The following MMP26 variants were observed in gnomAD, a reference collection of about 807,000 sequenced individuals.
MMP26 encodes matrix metallopeptidase 26.
Under a neutral mutation model 31.0 loss-of-function variants are expected in MMP26, and 33 were observed. The observed-to-expected ratio is 1.06, with a 90% CI of 0.81 to 1.42. The LOEUF (loss-of-function observed/expected upper bound fraction) is 1.42, where lower values mean the gene tolerates loss of function less well. Ranked by LOEUF, MMP26 falls within the 40% of genes most tolerant of loss-of-function variation. The pLI is 0.00. For missense variants in MMP26, 347 were observed against 316.1 expected (o/e 1.10, Z -0.74); for synonymous variants, 122 against 114.9 (o/e 1.06, Z -0.40).
chr11:4,781,713 G>T (rs1848866710), intron 2 of MMP26, among the ~76,000 whole-genome samples: 1 of 149,582 alleles, frequency 6.7e-6, no homozygotes, highest in Non-Finnish European at 1.5e-5. Flanking sequence ...TTGTCTCTGT[G>T]TCCCCACCCA....
chr11:4,822,313 A>T, intron 2 of MMP26: 1 of 1,509,950 alleles, frequency 6.6e-7, no homozygotes, highest in Non-Finnish European at 8.9e-7. Context: ...CAGTGTAAAG[A>T]TTAAGCAGAT....
At chr11:4,907,314 C>T in intron 2 of MMP26, 1 of 1,223,248 alleles carries the variant, frequency 8.2e-7, no homozygotes, top group Non-Finnish European at 1.2e-6. Context: ...AAAAGCATGA[C>T]TGCTTTTCAT....
At chr11:4,868,470 T>G (rs1390087441) in intron 2 of MMP26, among the ~76,000 whole-genome samples, 1 of 152,160 alleles carries the variant, frequency 6.6e-6, no homozygotes, top group Admixed American at 6.5e-5. Flanking sequence ...CATTCACAAC[T>G]GCTTCAAAGA....
chr11:4,864,286 A>G (rs781304166), intron 2 of MMP26, among the ~76,000 whole-genome samples: 4 of 152,180 alleles, frequency 2.6e-5, no homozygotes, highest in Non-Finnish European at 5.9e-5. Context: ...TTTTGCATTA[A>G]TGAGGTAATT....
At position 4,798,125 on chromosome 11, in the gene MMP26, G is replaced by C. The variant is rs191385496; in HGVS notation, c.-145+30784G>C. Among the ~76,000 whole-genome samples, 3 of 152,260 alleles carry C rather than the reference G, an allele frequency of 2.0e-5. No homozygotes were observed. The East Asian group carries it at 5.8e-4, about 29-fold the overall frequency. ...GAGAATTTCAAATCTCTTTTACGAC[G>C]GCCCATACTTAAGATAGACATGTTG... On this transcript the variant is annotated intron_variant, in intron 2 of 7. Transcript: ENST00000380390.
chr11:4,954,636 A>G (rs189385366), intron 2 of MMP26: 1 of 570,772 alleles, frequency 1.8e-6, no homozygotes, highest in African/African-American at 1.9e-5. Context: ...CATTCTCAGT[A>G]TCTAGAGTGA....
intron 2 of MMP26, among the ~76,000 whole-genome samples, chr11:4,931,448 A>G (rs1251512934): frequency 1.3e-5 from 2 of 152,096 alleles, no homozygotes; most frequent in African/African-American, 4.8e-5. Context: ...AGAGCCAAAA[A>G]CAAAAGACAA....
At chr11:4,882,653 A>G (rs2133539801) in intron 2 of MMP26, 1 of 1,613,658 alleles carries the variant, frequency 6.2e-7, no homozygotes, top group Non-Finnish European at 8.5e-7. Context: ...TGCAGTCACT[A>G]TTTTCTATGT....
chr11:4,957,149 A>G lies in MMP26; in HGVS notation c.-144-30919A>G, dbSNP rs181569765. On this transcript the variant is annotated intron_variant, in intron 2 of 7. Coordinates refer to ENST00000380390, the MANE Select transcript of MMP26 (RefSeq NM_021801.5). ...TCAAGCAATATTTAAAGAGTTATGA[A>G]CTGAATGTAGCTCGTGAGAAGTAAA... Among the ~76,000 whole-genome samples the G allele has an allele frequency of 6.6e-5, 10 of 152,298 alleles. No homozygotes were observed. The East Asian group carries it at 1.7e-3, about 26-fold the overall frequency.
chr11:4,862,074 C>A (rs1406042026), intron 2 of MMP26, among the ~76,000 whole-genome samples: 4 of 152,064 alleles, frequency 2.6e-5, no homozygotes, highest in Non-Finnish European at 5.9e-5. Context: ...GCATTATATC[C>A]AGATATTTAT....
rs955999959 is a variant in MMP26, at chr11:4,767,286, G to A, written c.-200G>A. On this transcript the variant is annotated 5_prime_UTR_variant, in exon 2 of 8. Coordinates refer to ENST00000380390, the MANE Select transcript of MMP26 (RefSeq NM_021801.5). The stretch of plus-strand genomic sequence containing the variant: ...TTTCCACAGAGTTTCTTACAAAATC[G>A]TCCTATCCAGCATGCACTTTTGGAT... 11 of 151,968 alleles carry A rather than the reference G, an allele frequency of 7.2e-5. No individual in the cohort carries two copies. Among genetic ancestry groups the A allele is most frequent in the Admixed American group, 2.0e-4 (3 of 15,260 alleles). The allele number at this position is 151,968 out of a possible 1,614,324, so 9.4% of individuals were successfully genotyped here.
At chr11:4,849,327 C>T (rs754502231) in intron 2 of MMP26, 8 of 971,824 alleles carry the variant, frequency 8.2e-6, no homozygotes, top group Non-Finnish European at 1.2e-5. Context: ...TTCCCTGACT[C>T]ATGCACTCAC....
chr11:4,806,239 C>T (rs1008288430), intron 2 of MMP26, among the ~76,000 whole-genome samples: 22 of 151,336 alleles, frequency 1.5e-4, no homozygotes, highest in Admixed American at 2.0e-4. Context: ...CTGTTAGGTC[C>T]GCTTGGTGCA....
rs545374554 is a variant in MMP26, at chr11:4,903,281, C to G, written c.-144-84787C>G. 4.6e-5 allele frequency among the ~76,000 whole-genome samples: 7 copies of G among 152,184 alleles called. No individual in the cohort carries two copies. The East Asian group carries it at 1.2e-3, about 25-fold the overall frequency. On this transcript the variant is annotated intron_variant, in intron 2 of 7. Transcript: ENST00000380390. ...TCTAACAGAGTACGACAGGCTATGT[C>G]TATTTCAATGTTAATATTTTGCCAA...
intron 2 of MMP26, among the ~76,000 whole-genome samples, chr11:4,906,479 G>A (rs1850890464): frequency 1.3e-5 from 2 of 152,184 alleles, no homozygotes; most frequent in South Asian, 2.1e-4. Flanking sequence ...AACACTTGAT[G>A]TAACATGTAT....
chr11:4,975,965 C>T (rs74054414), intron 2 of MMP26, among the ~76,000 whole-genome samples: 7,079 of 152,026 alleles, frequency 0.047, 603 homozygotes, highest in African/African-American at 0.16. Context: ...TACCAGCCCT[C>T]TTAATAGGAT....
chr11:4,923,004 T>C (rs367937656), intron 2 of MMP26, among the ~76,000 whole-genome samples: 2 of 152,294 alleles, frequency 1.3e-5, no homozygotes, highest in African/African-American at 4.8e-5. Context: ...ATCAATGAAA[T>C]TACACTGGCC....
At chr11:4,821,308 A>T in intron 2 of MMP26, 1 of 1,188,804 alleles carries the variant, frequency 8.4e-7, no homozygotes, top group Non-Finnish European at 1.2e-6. Flanking sequence ...TTTGAAAATT[A>T]GAAATAATAA....
chr11:4,782,918 T>A (rs1848883540), intron 2 of MMP26, among the ~76,000 whole-genome samples: 1 of 152,152 alleles, frequency 6.6e-6, no homozygotes, highest in South Asian at 2.1e-4. Context: ...AGAACTGAGG[T>A]TTGAGAACCT....
Sources: allele counts gnomAD v4.1 joint callset (sites outside exome capture counted in the v4.1 genomes callset), GRCh38; gene constraint gnomAD v4.1.1; transcripts MANE v1.5; gene names NCBI Gene and HGNC (gene_info 2026-07-23, HGNC 2026-07-21).